The following WDTC1 variants were observed in gnomAD, a reference collection of about 807,000 sequenced individuals.
WDTC1 encodes WD and tetratricopeptide repeats protein 1.
WDTC1 carries 12 observed loss-of-function variants against 76.0 expected under a neutral mutation model. The ratio of observed to expected loss-of-function variants is 0.16; its 90% CI spans 0.10 to 0.26. The LOEUF (loss-of-function observed/expected upper bound fraction) is 0.26, where lower values mean the gene tolerates loss of function less well. Among genes scored for constraint, WDTC1 ranks in the 10% least tolerant of loss-of-function variants. The pLI is 1.00. For synonymous variants in WDTC1, 326 were observed against 350.8 expected (o/e 0.93, Z 0.79); for missense variants, 511 against 908.8 (o/e 0.56, Z 5.63).
rs1162180511 is a variant in WDTC1 at position 27,305,398 on chromosome 1, G to C, written c.1836+205G>C. Among the ~76,000 whole-genome samples, 3 of 152,214 alleles carry C rather than the reference G, an allele frequency of 2.0e-5. No individual in the cohort carries two copies. Among genetic ancestry groups the C allele is most frequent in the Non-Finnish European group, 4.4e-5 (3 of 68,032 alleles). ...CTCCAGAAGCTGTGCAGAGGCCCTGGTCACAAGGGAACTATGCAGGCTTTG... is the reference window on the plus strand; with the variant it reads ...CTCCAGAAGCTGTGCAGAGGCCCTGCTCACAAGGGAACTATGCAGGCTTTG... On this transcript the variant is annotated intron_variant, in intron 15 of 15. Transcript: ENST00000319394. The surrounding 1 kb of genome is among the most constrained non-coding windows in gnomAD (Gnocchi z 4.6).
chr1:27,293,898 T>C, intron 7 of WDTC1, 124 bp from the exon 8 acceptor site: 1 of 847,608 alleles, frequency 1.2e-6, no homozygotes, highest in Non-Finnish European at 1.8e-6. Flanking sequence ...GTTGCTTAGG[T>C]AAGGAGGAAA....
chr1:27,301,430 C>T lies in WDTC1; in HGVS notation c.1437C>T (p.Ile479=), dbSNP rs760867552. 4 of 1,613,792 alleles carry T rather than the reference C, an allele frequency of 2.5e-6. No homozygotes were observed. Among genetic ancestry groups the T allele is most frequent in the East Asian group, 4.5e-5 (2 of 44,880 alleles). Residue 479 remains isoleucine (I), a synonymous_variant, in exon 13 of 16, where the codon ATC becomes ATT. Transcript: ENST00000319394. This position sits in a 1 kb window ranked among gnomAD's most constrained non-coding sequence, Gnocchi z 5.8. ...CTTGTGATGCATTGGGCCGCGACAT[C>T]ACAGCTGCCCTCTTCTCTAAAAATG... ...SSACDALGRD[I]TAALFSKNDG...
At chr1:27,247,361 G>A (rs1257184190) in intron 1 of WDTC1, among the ~76,000 whole-genome samples, 1 of 151,792 alleles carries the variant, frequency 6.6e-6, no homozygotes, top group Non-Finnish European at 1.5e-5. Context: ...CCAGCCTTGT[G>A]CAGGTTTTTT....
intron 6 of WDTC1, among the ~76,000 whole-genome samples, chr1:27,289,811 C>T (rs2013479460): frequency 6.6e-6 from 1 of 152,018 alleles, no homozygotes; most frequent in Non-Finnish European, 1.5e-5. Flanking sequence ...AGCGAAACCC[C>T]GTCTCCACCA....
chr1:27,294,204 G>C (rs1338014134), intron 8 of WDTC1, 88 bp downstream of exon 8: 17 of 1,391,144 alleles, frequency 1.2e-5, no homozygotes, highest in East Asian at 2.3e-5. Flanking sequence ...TGGCATGGTG[G>C]TCAAGAGCAA....
intron 7 of WDTC1, 137 bp from the exon 8 acceptor site, chr1:27,293,885 G>A (rs2013609680): frequency 1.0e-5 from 7 of 694,342 alleles, no homozygotes; most frequent in Non-Finnish European, 1.7e-5. Context: ...GTGGGCCTTT[G>A]GGGTTGCTTA....
intron 1 of WDTC1, among the ~76,000 whole-genome samples, chr1:27,254,002 T>G (rs1180731109): frequency 3.3e-5 from 5 of 152,200 alleles, no homozygotes; most frequent in African/African-American, 1.2e-4. Context: ...ACTTTTGGAC[T>G]GAGGTATGAA....
Position 27,306,486 on chromosome 1 carries a change from T to G in WDTC1, c.*103T>G, listed in dbSNP as rs1046200769. ...TGGTTTGTCTTCCCCACCACCCTTT[T>G]TTTTCATTTCCCCTGTTTTGTTTGT... On this transcript the variant is annotated 3_prime_UTR_variant, in exon 16 of 16. Coordinates refer to ENST00000319394, the MANE Select transcript of WDTC1 (RefSeq NM_001276252.2). The surrounding 1 kb of genome is among the most constrained non-coding windows in gnomAD (Gnocchi z 5.0). 3.2e-5 allele frequency: 43 copies of G among 1,356,774 alleles called. No homozygotes were observed. The highest frequency in any genetic ancestry group is 4.1e-5 in the Non-Finnish European group (42 of 1,017,828). 84.0% of individuals were successfully genotyped at this position (1,356,774 alleles called of 1,614,324 possible).
At chr1:27,240,850 CTG>C (rs2011609252) in intron 1 of WDTC1, among the ~76,000 whole-genome samples, 1 of 151,684 alleles carries the variant, frequency 6.6e-6, no homozygotes, top group Non-Finnish European at 1.5e-5. Flanking sequence ...TGGCGGGTGT[CTG>C]TAGTCCCAGC....
Position 27,296,346 on chromosome 1 carries a change from T to A in WDTC1, c.894T>A (p.Thr298=). ...TCTAGGTCTATTTGTTTGACTTGAC[T>A]TACAAGCAGCGGCCGTACACCTTCC... is the stretch of plus-strand genomic sequence containing the variant. ...GGEQVYLFDL[T]YKQRPYTFLL... Residue 298 remains threonine, a synonymous_variant, in exon 10 of 16, where the codon ACT becomes ACA. Coordinates refer to ENST00000319394, the MANE Select transcript of WDTC1 (RefSeq NM_001276252.2). 1 of 1,614,098 alleles carries A rather than the reference T, an allele frequency of 6.2e-7. No homozygotes were observed. Among genetic ancestry groups the A allele is most frequent in the Non-Finnish European group, 8.5e-7 (1 of 1,180,026 alleles).
intron 1 of WDTC1, among the ~76,000 whole-genome samples, chr1:27,244,017 C>T (rs2011723407): frequency 1.3e-5 from 2 of 151,316 alleles, no homozygotes; most frequent in South Asian, 2.1e-4. Flanking sequence ...GTGGTGCATG[C>T]CCGTGGTCCC....
At chr1:27,256,048 A>G (rs944895222) in intron 1 of WDTC1, among the ~76,000 whole-genome samples, 7 of 152,184 alleles carry the variant, frequency 4.6e-5, no homozygotes, top group African/African-American at 1.7e-4. Context: ...ACTCTGGCTG[A>G]TTATTGAAAA....
chr1:27,275,431 A>C (rs1016853831), intron 3 of WDTC1, among the ~76,000 whole-genome samples: 2 of 152,138 alleles, frequency 1.3e-5, no homozygotes, highest in Admixed American at 6.6e-5. Context: ...CAGCCTGGCC[A>C]ACATGGTGAA....
intron 3 of WDTC1, among the ~76,000 whole-genome samples, chr1:27,268,013 A>G (rs1034199422): frequency 2.0e-5 from 3 of 152,206 alleles, no homozygotes; most frequent in South Asian, 2.1e-4. Flanking sequence ...TGTGATTTTG[A>G]TAAATATTAC....
At chr1:27,302,572 A>G (rs2013859874) in intron 13 of WDTC1, among the ~76,000 whole-genome samples, 1 of 151,990 alleles carries the variant, frequency 6.6e-6, no homozygotes, top group South Asian at 2.1e-4. Flanking sequence ...CCATCTCAAC[A>G]AAAGAAAAAT....
intron 3 of WDTC1, among the ~76,000 whole-genome samples, chr1:27,276,603 G>T (rs2013034440): frequency 6.6e-6 from 1 of 151,432 alleles, no homozygotes; most frequent in South Asian, 2.1e-4. Context: ...TGAGGCAGGA[G>T]AATTGCTTGA....
intron 1 of WDTC1, among the ~76,000 whole-genome samples, chr1:27,250,464 C>T (rs1355887829): frequency 6.6e-6 from 1 of 152,022 alleles, no homozygotes; most frequent in East Asian, 1.9e-4. Flanking sequence ...TATGTATTTT[C>T]ATATATATTT....
At chr1:27,249,455 A>G (rs2011962686) in intron 1 of WDTC1, among the ~76,000 whole-genome samples, 1 of 152,180 alleles carries the variant, frequency 6.6e-6, no homozygotes, top group Non-Finnish European at 1.5e-5. Context: ...ATGTTGTAGC[A>G]TGTATCAGTA....
intron 1 of WDTC1, among the ~76,000 whole-genome samples, chr1:27,257,817 GTC>G (rs1229901722): frequency 2.6e-5 from 4 of 152,054 alleles, no homozygotes; most frequent in African/African-American, 9.7e-5. Flanking sequence ...TTGAGACAGA[GTC>G]TTGCTCTGTC....
Sources: gnomAD v4.1 joint callset for allele counts (sites outside exome capture counted in the v4.1 genomes callset) on GRCh38, gnomAD v4.1.1 for gene constraint, Gnocchi (gnomAD v3.1) non-coding constraint, MANE v1.5 for transcripts, NCBI Gene and HGNC (gene_info 2026-07-23, HGNC 2026-07-21) for gene names.